The following NAV2 variants were observed in gnomAD, a reference collection of about 807,000 sequenced individuals.
NAV2 encodes neuron navigator 2.
In NAV2, 54 loss-of-function variants were observed where a neutral mutation model predicts 223.2. The observed-to-expected ratio is 0.24, with a 90% CI of 0.19 to 0.30. The LOEUF is 0.30. Among genes scored for constraint, NAV2 ranks in the 10% least tolerant of loss-of-function variants. The pLI is 1.00. For synonymous variants in NAV2, 1,279 were observed against 1,239.3 expected, an observed-to-expected ratio of 1.03 and a Z score of -0.67; for missense variants, 2,806 against 3,147.5, an observed-to-expected ratio of 0.89 and a Z score of 2.60.
At chr11:19,798,206 C>A (rs571497174) in intron 1 of NAV2, among the ~76,000 whole-genome samples, 1 of 152,308 alleles carries the variant, frequency 6.6e-6, no homozygotes, top group East Asian at 1.9e-4. Context: ...TGTACCTACT[C>A]AGTCTAGTTA....
chr11:19,664,221 C>T (rs2048355798), intron 1 of NAV2, among the ~76,000 whole-genome samples: 1 of 152,158 alleles, frequency 6.6e-6, no homozygotes, highest in South Asian at 2.1e-4. Flanking sequence ...TCTGAGTCTC[C>T]CTCTTTTTTA....
At chr11:19,401,316 T>C (rs1827313411) in intron 1 of NAV2, among the ~76,000 whole-genome samples, 1 of 152,240 alleles carries the variant, frequency 6.6e-6, no homozygotes, top group Admixed American at 6.5e-5. Flanking sequence ...CAAATACCAC[T>C]GACTGCGCCA....
chr11:19,603,052 G>C (rs982206487), intron 1 of NAV2, among the ~76,000 whole-genome samples: 3 of 152,208 alleles, frequency 2.0e-5, no homozygotes, highest in Admixed American at 2.0e-4. Context: ...TCCGTGGGCA[G>C]AGGGTTCACT....
At chr11:19,990,497 A>G (rs556063220) in intron 11 of NAV2, among the ~76,000 whole-genome samples, 2 of 152,244 alleles carry the variant, frequency 1.3e-5, no homozygotes, top group South Asian at 4.1e-4. Context: ...ACCATGGTTT[A>G]AGAAGGGCAC....
chr11:19,371,182 A>T (rs970646039), intron 1 of NAV2, among the ~76,000 whole-genome samples: 1 of 152,182 alleles, frequency 6.6e-6, no homozygotes, highest in Non-Finnish European at 1.5e-5. Flanking sequence ...CATGTTAAGA[A>T]TTTTACATGC....
Position 20,045,410 on chromosome 11 carries a change from A to G in NAV2, c.3642A>G (p.Ile1214Met), listed in dbSNP as rs773214245. The G allele has an allele frequency of 4.3e-6, 7 of 1,614,182 alleles. No individual in the cohort carries two copies. The highest frequency in any genetic ancestry group is 5.9e-6 in the Non-Finnish European group (7 of 1,180,020). The change falls in exon 14 of 38, where the codon ATA becomes ATG. Residue 1214 changes from isoleucine to methionine, a missense_variant. By Grantham distance (10) the Ile-to-Met change is conservative. Around this residue, in one of 4 missense-constraint regions of NAV2, gnomAD observed 742 missense variants for 777.9 expected, o/e 0.95. Transcript: ENST00000349880. ...GGAACAGGTCTAGCACCAGCAGCAT[A>G]GATTCCAACATTAGCAGCAAGTCCG... The part of the protein sequence containing the change: ...GAGNRSSTSS[I>M]DSNISSKSAG...
intron 1 of NAV2, chr11:19,777,935 G>C (rs1355370971): frequency 2.2e-6 from 1 of 455,956 alleles, no homozygotes. Context: ...CATGGCTATT[G>C]ATCTCTACTG....
At chr11:19,508,170 T>C (rs2043178081) in intron 1 of NAV2, among the ~76,000 whole-genome samples, 1 of 152,160 alleles carries the variant, frequency 6.6e-6, no homozygotes, top group African/African-American at 2.4e-5. Context: ...CCAGCCTTGC[T>C]CTGTCTCAGG....
At chr11:19,962,554 C>G (rs1218369035) in intron 10 of NAV2, among the ~76,000 whole-genome samples, 1 of 152,188 alleles carries the variant, frequency 6.6e-6, no homozygotes, top group South Asian at 2.1e-4. Flanking sequence ...CTAACGCACC[C>G]TGCCTGGGAT....
intron 12 of NAV2, among the ~76,000 whole-genome samples, chr11:20,043,586 C>T (rs1015672949): frequency 1.2e-4 from 18 of 152,038 alleles, no homozygotes; most frequent in African/African-American, 2.7e-4. Flanking sequence ...GAACTATAGG[C>T]GTGTGCCACC....
chr11:20,029,502 C>T (rs1753484434), intron 11 of NAV2, among the ~76,000 whole-genome samples: 1 of 152,164 alleles, frequency 6.6e-6, no homozygotes, highest in South Asian at 2.1e-4. Context: ...GTGTTGTTTC[C>T]ACTTGGTGCC....
intron 1 of NAV2, among the ~76,000 whole-genome samples, chr11:19,406,653 C>A (rs1849911580): frequency 6.6e-6 from 1 of 152,086 alleles, no homozygotes; most frequent in African/African-American, 2.4e-5. Flanking sequence ...CTTCTTTTTT[C>A]TCAATTAACT....
intron 11 of NAV2, chr11:20,027,719 A>G (rs2055250685): frequency 6.6e-6 from 1 of 152,324 alleles, no homozygotes; most frequent in African/African-American, 2.4e-5. Flanking sequence ...GAGAGGAACT[A>G]ATATATATCT....
At chr11:19,436,965 A>ATAACACAT (rs1851239370) in intron 1 of NAV2, among the ~76,000 whole-genome samples, 3 of 152,180 alleles carry the variant, frequency 2.0e-5, no homozygotes, top group Non-Finnish European at 4.4e-5. Context: ...TTTATAAGTT[A>ATAACACAT]TAACACATTT....
At chr11:20,097,788 A>C (rs1214496747) in intron 31 of NAV2, 43 bp downstream of exon 31, 1 of 1,518,638 alleles carries the variant, frequency 6.6e-7, no homozygotes, top group Non-Finnish European at 8.8e-7. Flanking sequence ...CAGGAATTGC[A>C]GTGTTTGTTT....
intron 3 of NAV2, among the ~76,000 whole-genome samples, chr11:19,863,733 C>G (rs952135492): frequency 3.9e-5 from 6 of 152,182 alleles, no homozygotes; most frequent in African/African-American, 1.2e-4. Flanking sequence ...GTAACCATAA[C>G]AGCTTGTCAT....
rs151007885 is a variant in NAV2, at chr11:19,684,426, C to T, written c.76-148058C>T. Among the ~76,000 whole-genome samples the T allele has an allele frequency of 3.0e-4, 45 of 152,182 alleles. No homozygotes were observed. The East Asian group carries it at 7.4e-3, about 25-fold the overall frequency. ...TGAGACCCCAGTGATGAAGGTGAAG[C>T]TCTTGATTTGATCTAAAGGTCATTC... is the stretch of plus-strand genomic sequence containing the variant. On this transcript the variant is annotated intron_variant, in intron 1 of 37. Coordinates refer to the NAV2 transcript ENST00000360655.
chr11:20,048,200 C>A (rs1184582880), intron 14 of NAV2, among the ~76,000 whole-genome samples: 3 of 152,190 alleles, frequency 2.0e-5, no homozygotes, highest in Admixed American at 2.0e-4. Context: ...GTGGATAAAT[C>A]TCTGAAGACA....
intron 1 of NAV2, among the ~76,000 whole-genome samples, chr11:19,618,947 C>A (rs1215373720): frequency 0.12 from 2 of 16 alleles, no homozygotes; most frequent in Non-Finnish European, 0.17. Flanking sequence ...TGTGGTGTTC[C>A]CCACCCTGTG....
Sources: gnomAD v4.1 joint callset for allele counts (sites outside exome capture counted in the v4.1 genomes callset) on GRCh38, gnomAD v4.1.1 for gene constraint, gnomAD v4.1.1 regional missense constraint, MANE v1.5 for transcripts, NCBI Gene and HGNC (gene_info 2026-07-23, HGNC 2026-07-21) for gene names.